Variants in SFSWAP observed in about 807,000 individuals in gnomAD.
SFSWAP encodes splicing factor SWAP, also known as splicing factor, suppressor of white-apricot homolog.
In SFSWAP, 17 loss-of-function variants were observed where a neutral mutation model predicts 100.7. That is an observed-to-expected ratio of 0.17 (90% CI 0.12 to 0.25). The LOEUF (loss-of-function observed/expected upper bound fraction) is 0.25. Ranked by LOEUF, SFSWAP falls within the 10% of genes least tolerant of loss-of-function variation. SFSWAP has a pLI of 1.00. For missense variants in SFSWAP, 1,005 were observed against 1,262.6 expected (o/e 0.80, Z 3.09); for synonymous variants, 504 against 510.1 (o/e 0.99, Z 0.16).
intron 15 of SFSWAP, among the ~76,000 whole-genome samples, chr12:131,786,910 C>T (rs1227411533): frequency 6.6e-6 from 1 of 152,124 alleles, no homozygotes; most frequent in Non-Finnish European, 1.5e-5. Context: ...GTGGAGAGGA[C>T]AGGAAGGCAC....
At chr12:131,739,984 C>G (rs972263736) in intron 7 of SFSWAP, among the ~76,000 whole-genome samples, 1 of 152,152 alleles carries the variant, frequency 6.6e-6, no homozygotes, top group Non-Finnish European at 1.5e-5. Context: ...GGCTGTAGTT[C>G]ATGAATTCTG....
At position 131,753,127 on chromosome 12, in the gene SFSWAP, C is replaced by T. The variant is rs758425980; in HGVS notation, c.1086C>T (p.Thr362=). The T allele has an allele frequency of 2.2e-5, 36 of 1,613,994 alleles. No individual in the cohort carries two copies. The highest frequency in any genetic ancestry group is 5.3e-5 in the African/African-American group (4 of 74,916). Residue 362 remains threonine (T), a synonymous_variant, in exon 8 of 18, where the codon ACC becomes ACT. Transcript: ENST00000261674. Reference sequence around the variant, plus strand: ...CGGGGCAATGTGTCTCCACAGCGACCGTGGCAGCCATGTATTACAGCTACT... The same window carrying T: ...CGGGGCAATGTGTCTCCACAGCGACTGTGGCAGCCATGTATTACAGCTACT... ...PSQVEYTADS[T]VAAMYYSYYM...
chr12:131,798,035 C>T (rs1199165799), intron 16 of SFSWAP, among the ~76,000 whole-genome samples: 1 of 152,186 alleles, frequency 6.6e-6, no homozygotes, highest in African/African-American at 2.4e-5. Context: ...AGAGGTGGCA[C>T]CTTTAGAGTT....
intron 4 of SFSWAP, among the ~76,000 whole-genome samples, chr12:131,724,022 C>G (rs1878724760): frequency 6.6e-6 from 1 of 152,168 alleles, no homozygotes; most frequent in African/African-American, 2.4e-5. Context: ...TAAAGTCTGC[C>G]TAATAAAGTA....
intron 14 of SFSWAP, chr12:131,784,666 C>T (rs1566056111): frequency 1.3e-5 from 2 of 154,556 alleles, no homozygotes; most frequent in Admixed American, 6.5e-5. Context: ...GTTTCTTGCA[C>T]CATGTTGTGG....
intron 15 of SFSWAP, among the ~76,000 whole-genome samples, chr12:131,791,546 T>C (rs1001067831): frequency 6.6e-6 from 1 of 151,142 alleles, no homozygotes; most frequent in Non-Finnish European, 1.5e-5. Context: ...AGGTCAGGAG[T>C]TTGAGACCAG....
chr12:131,752,555 A>T (rs1881755800), intron 7 of SFSWAP, among the ~76,000 whole-genome samples: 1 of 152,224 alleles, frequency 6.6e-6, no homozygotes. Flanking sequence ...TACTGAATAA[A>T]TTCCTGCACA....
chr12:131,786,400 G>A, intron 14 of SFSWAP, 63 bp from the exon 15 acceptor site: 2 of 1,520,914 alleles, frequency 1.3e-6, no homozygotes, highest in Non-Finnish European at 8.8e-7. Context: ...CAGGGCAGTA[G>A]GAAGCATGAC....
intron 15 of SFSWAP, among the ~76,000 whole-genome samples, chr12:131,795,112 C>T (rs1049774884): frequency 1.3e-5 from 2 of 152,244 alleles, no homozygotes; most frequent in Admixed American, 1.3e-4. Context: ...GTCCCACATG[C>T]GTGTGTTGAA....
chr12:131,758,268 C>T (rs1566033919), intron 11 of SFSWAP, among the ~76,000 whole-genome samples: 1 of 152,154 alleles, frequency 6.6e-6, no homozygotes, highest in African/African-American at 2.4e-5. Context: ...CTGCTGCCAA[C>T]CAGCGTGACC....
intron 7 of SFSWAP, among the ~76,000 whole-genome samples, chr12:131,731,020 C>G (rs529650607): frequency 1.3e-5 from 2 of 152,196 alleles, no homozygotes; most frequent in East Asian, 1.9e-4. Flanking sequence ...TGAGCCTCCT[C>G]GCTGAGCACA....
chr12:131,758,999 A>C (rs1882421701), intron 11 of SFSWAP, among the ~76,000 whole-genome samples: 1 of 152,164 alleles, frequency 6.6e-6, no homozygotes, highest in Non-Finnish European at 1.5e-5. Context: ...AGGTGGGAGG[A>C]TCTTTTGAGC....
At chr12:131,743,664 A>T (rs1459429582) in intron 7 of SFSWAP, among the ~76,000 whole-genome samples, 2 of 152,194 alleles carry the variant, frequency 1.3e-5, no homozygotes, top group African/African-American at 4.8e-5. Flanking sequence ...TGGATCTACC[A>T]TTCTGGGGTC....
chr12:131,787,874 A>T (rs549075851), intron 15 of SFSWAP, among the ~76,000 whole-genome samples: 47 of 152,262 alleles, frequency 3.1e-4, no homozygotes, highest in Admixed American at 2.9e-3. Context: ...TTTTTTTCTT[A>T]AAACAGAAAA....
intron 14 of SFSWAP, chr12:131,785,293 C>CA: frequency 9.4e-7 from 1 of 1,063,636 alleles, no homozygotes; most frequent in Non-Finnish European, 1.4e-6. Context: ...GGGAAAAAAT[C>CA]AAAACGATTC....
At chr12:131,728,251 T>C in intron 6 of SFSWAP, 42 bp from the exon 7 acceptor site, 5 of 1,611,700 alleles carry the variant, frequency 3.1e-6, no homozygotes, top group Non-Finnish European at 4.2e-6. Flanking sequence ...TCTGCATGGT[T>C]CAGAATATTG....
intron 13 of SFSWAP, among the ~76,000 whole-genome samples, chr12:131,767,362 G>A (rs1883199273): frequency 6.6e-6 from 1 of 152,148 alleles, no homozygotes; most frequent in African/African-American, 2.4e-5. Context: ...TTATGTCTCT[G>A]AATTTTATTT....
intron 7 of SFSWAP, among the ~76,000 whole-genome samples, chr12:131,742,918 A>C (rs1484136527): frequency 6.6e-6 from 1 of 152,188 alleles, no homozygotes; most frequent in Non-Finnish European, 1.5e-5. Flanking sequence ...TCATGACAGA[A>C]GGCAAGGAGG....
At chr12:131,764,948 C>A (rs1246100762) in intron 12 of SFSWAP, among the ~76,000 whole-genome samples, 2 of 152,248 alleles carry the variant, frequency 1.3e-5, no homozygotes, top group Non-Finnish European at 2.9e-5. Context: ...AGCTCTAATG[C>A]GCCACAGTGG....
Sources: allele counts gnomAD v4.1 joint callset (sites outside exome capture counted in the v4.1 genomes callset), GRCh38; gene constraint gnomAD v4.1.1; transcripts MANE v1.5; gene names NCBI Gene and HGNC (gene_info 2026-07-23, HGNC 2026-07-21).